Variants in GMEB2 observed in about 807,000 individuals in gnomAD.
The protein encoded by GMEB2 is glucocorticoid modulatory element-binding protein 2.
GMEB2 carries 7 observed loss-of-function variants against 45.7 expected under a neutral mutation model. The ratio of observed to expected loss-of-function variants is 0.15; its 90% CI spans 0.09 to 0.29. The LOEUF is 0.29. Ranked by LOEUF, GMEB2 falls within the 10% of genes least tolerant of loss-of-function variation. The probability of loss-of-function intolerance (pLI) is 1.00; values close to 1 mark genes in which losing one functional copy is unlikely to be tolerated. For missense variants in GMEB2, 582 were observed against 739.2 expected (o/e 0.79, Z 2.47); for synonymous variants, 322 against 323.6 (o/e 1.00, Z 0.05).
intron 2 of GMEB2, among the ~76,000 whole-genome samples, chr20:63,613,477 G>A (rs995182857): frequency 2.0e-5 from 3 of 151,952 alleles, no homozygotes; most frequent in South Asian, 2.1e-4. Flanking sequence ...AACTGTGTAC[G>A]AAGACAACTG....
intron 4 of GMEB2, among the ~76,000 whole-genome samples, chr20:63,600,678 A>G (rs1214967928): frequency 7.7e-6 from 1 of 129,834 alleles, no homozygotes; most frequent in African/African-American, 2.9e-5. Context: ...AGATCGCGCC[A>G]TTGCACTCCA....
intron 4 of GMEB2, among the ~76,000 whole-genome samples, chr20:63,598,372 A>ACACC (rs1491017761): frequency 6.8e-6 from 1 of 147,634 alleles, no homozygotes; most frequent in African/African-American, 2.5e-5. Flanking sequence ...ACACACACAC[A>ACACC]CTCATCTGTT....
At chr20:63,623,272 A>C (rs917112568) in intron 1 of GMEB2, among the ~76,000 whole-genome samples, 1 of 152,170 alleles carries the variant, frequency 6.6e-6, no homozygotes, top group Non-Finnish European at 1.5e-5. Context: ...GCCTAAGGGG[A>C]AAGGGGGCTC....
At chr20:63,615,297 A>G (rs1315049045) in intron 2 of GMEB2, among the ~76,000 whole-genome samples, 1 of 152,130 alleles carries the variant, frequency 6.6e-6, no homozygotes, top group Non-Finnish European at 1.5e-5. Flanking sequence ...ACCAACAGTA[A>G]AAGCCACTTT....
At chr20:63,621,238 G>C (rs934441053) in intron 1 of GMEB2, among the ~76,000 whole-genome samples, 2 of 152,088 alleles carry the variant, frequency 1.3e-5, no homozygotes, top group African/African-American at 4.8e-5. Flanking sequence ...GTGACCAGGG[G>C]CTGGGGGAGG....
At chr20:63,604,196 T>C (rs1360194582) in intron 3 of GMEB2, among the ~76,000 whole-genome samples, 1 of 120,656 alleles carries the variant, frequency 8.3e-6, no homozygotes, top group Non-Finnish European at 1.8e-5. Flanking sequence ...GGACCCTATT[T>C]CTTGAAAAAA....
chr20:63,603,771 G>A (rs1262828466), intron 3 of GMEB2, among the ~76,000 whole-genome samples: 2 of 151,270 alleles, frequency 1.3e-5, no homozygotes, highest in African/African-American at 4.9e-5. Context: ...ATTTTTACTG[G>A]GCCAGGCGAG....
Position 63,601,878 on chromosome 20 carries a change from TGCCTGTGGCTTCCGTGGG to T in GMEB2, c.357+1069_357+1086del, listed in dbSNP as rs1569052275. On this transcript the variant is annotated intron_variant, in intron 4 of 9. Coordinates refer to ENST00000370077, the MANE Select transcript of GMEB2 (RefSeq NM_012384.5). ...TCCGTGGGGCCTGTGGCTTCCGTGC[TGCCTGTGGCTTCCGTGGG>T]GCCTGTGGCTTCCGTGGGGCCTGTG... Among the ~76,000 whole-genome samples, 730 of 138,006 alleles carry T rather than the reference TGCCTGTGGCTTCCGTGGG, an allele frequency of 5.3e-3. 8 individuals carry two copies. Among genetic ancestry groups the T allele is most frequent in the African/African-American group, 0.019 (678 of 35,774 alleles). 90.5% of individuals were successfully genotyped at this position (138,006 alleles called of 152,430 possible). A position where few individuals can be genotyped will look rare whatever the true frequency, so the allele number is the denominator to read the frequency against.
chr20:63,601,615 C>T (rs911740909), intron 4 of GMEB2, among the ~76,000 whole-genome samples: 20 of 151,988 alleles, frequency 1.3e-4, no homozygotes, highest in Middle Eastern at 3.4e-3. Flanking sequence ...CTCAAGCAAT[C>T]CTCCTGCCTC....
chr20:63,598,112 G>A (rs2083213416), intron 4 of GMEB2, among the ~76,000 whole-genome samples: 1 of 152,224 alleles, frequency 6.6e-6, no homozygotes, highest in African/African-American at 2.4e-5. Context: ...GGGCTAGACA[G>A]GGCTGGGCTG....
At position 63,610,659 on chromosome 20, in the gene GMEB2, G is replaced by A. The variant is rs948441958; in HGVS notation, c.132-5819C>T. 5.3e-5 allele frequency among the ~76,000 whole-genome samples: 8 copies of A among 152,224 alleles called. No homozygotes were observed. In the East Asian group the frequency reaches 7.7e-4, roughly 15 times the overall value. On this transcript the variant is annotated intron_variant, in intron 2 of 9. Transcript: ENST00000370077. ...AAGACAGCCCTGCCTCAGCTGCCAC[G>A]TGGGGTTCTCTTCTCAGAGAAGAAG... is the stretch of plus-strand genomic sequence containing the variant.
At chr20:63,612,360 C>T (rs562308455) in intron 2 of GMEB2, among the ~76,000 whole-genome samples, 2 of 152,288 alleles carry the variant, frequency 1.3e-5, no homozygotes, top group Admixed American at 6.5e-5. Context: ...TGCCACCGCA[C>T]GCTCAGTAGG....
intron 6 of GMEB2, among the ~76,000 whole-genome samples, 153 bp downstream of exon 6, chr20:63,595,457 C>T (rs1454273819): frequency 1.3e-5 from 2 of 152,252 alleles, no homozygotes; most frequent in African/African-American, 2.4e-5. Flanking sequence ...CAGGAGGAGG[C>T]TGATCCCAGA....
chr20:63,623,981 G>T (rs1488784720), intron 1 of GMEB2, among the ~76,000 whole-genome samples: 1 of 151,608 alleles, frequency 6.6e-6, no homozygotes, highest in African/African-American at 2.4e-5. Context: ...GTGGTGGTGT[G>T]CCCATGTAAT....
chr20:63,612,160 A>AG (rs752589601), intron 2 of GMEB2, among the ~76,000 whole-genome samples: 1 of 152,276 alleles, frequency 6.6e-6, no homozygotes, highest in Non-Finnish European at 1.5e-5. Flanking sequence ...AGGAAAAAAT[A>AG]TAAAAAATAG....
chr20:63,592,685 G>A lies in GMEB2; in HGVS notation c.692-15C>T. On this transcript the variant is annotated splice_polypyrimidine_tract_variant and intron_variant, in intron 7 of 9. Coordinates refer to ENST00000370077, the MANE Select transcript of GMEB2 (RefSeq NM_012384.5). This position sits in a 1 kb window ranked among gnomAD's most constrained non-coding sequence, Gnocchi z 8.2. ...AAATGTGTCATCTGTGAGGGAAGGA[G>A]TGGGTTCAGTGGGCAGGGAAAGTGC... 6.2e-7 allele frequency: 1 copy of A among 1,609,716 alleles called. No individual in the cohort carries two copies. Among genetic ancestry groups the A allele is most frequent in the Non-Finnish European group, 8.5e-7 (1 of 1,176,758 alleles).
intron 1 of GMEB2, among the ~76,000 whole-genome samples, chr20:63,623,089 G>A (rs2089649921): frequency 6.6e-6 from 1 of 152,164 alleles, no homozygotes; most frequent in South Asian, 2.1e-4. Context: ...TAAGTGCGAG[G>A]GACAAGAAAA....
At chr20:63,596,536 C>A (rs954346834) in intron 5 of GMEB2, among the ~76,000 whole-genome samples, 1 of 152,184 alleles carries the variant, frequency 6.6e-6, no homozygotes, top group South Asian at 2.1e-4. Flanking sequence ...AGCTGTGCCA[C>A]CAGCCACGTT....
intron 2 of GMEB2, among the ~76,000 whole-genome samples, chr20:63,609,945 A>G (rs1435150843): frequency 4.7e-5 from 7 of 150,404 alleles, no homozygotes; most frequent in African/African-American, 1.7e-4. Context: ...ATTTCTAGAA[A>G]CATGCCCCTC....
Sources: allele counts gnomAD v4.1 joint callset (sites outside exome capture counted in the v4.1 genomes callset), GRCh38; gene constraint gnomAD v4.1.1; non-coding constraint Gnocchi (gnomAD v3.1); transcripts MANE v1.5; gene names NCBI Gene and HGNC (gene_info 2026-07-23, HGNC 2026-07-21).